The following SMARCD1 variants were observed in gnomAD, a reference collection of about 807,000 sequenced individuals.
SMARCD1 encodes the protein SWI/SNF-related matrix-associated actin-dependent regulator of chromatin subfamily D member 1.
A neutral mutation model predicts 70.8 loss-of-function variants in SMARCD1; 16 were observed. The ratio of observed to expected loss-of-function variants is 0.23; its 90% CI spans 0.15 to 0.34. The LOEUF is 0.34. Ranked by LOEUF, SMARCD1 falls within the 10% of genes least tolerant of loss-of-function variation. The pLI is 1.00. For synonymous variants in SMARCD1, 249 were observed against 246.0 expected (o/e 1.01, Z -0.11); for missense variants, 409 against 655.5 (o/e 0.62, Z 4.11).
chr12:50,094,555 G>A lies in SMARCD1; in HGVS notation c.1252G>A (p.Ala418Thr), dbSNP rs1161770206. 2.5e-6 allele frequency: 4 copies of A among 1,614,120 alleles called. No individual in the cohort carries two copies. In the South Asian group the frequency reaches 3.3e-5, roughly 13 times the overall value. Residue 418 changes from alanine to threonine, a missense_variant, in exon 10 of 13, where the codon GCT becomes ACT. Coordinates refer to ENST00000394963, the MANE Select transcript of SMARCD1 (RefSeq NM_003076.5). ...LLSTASQQEI[A>T]TLDNKIHETI... Reference sequence around the variant, plus strand: ...GTCCACTGCCAGCCAACAGGAGATTGCTACTCTAGACAACAAGGTAGGGGT... The same window carrying A: ...GTCCACTGCCAGCCAACAGGAGATTACTACTCTAGACAACAAGGTAGGGGT...
At chr12:50,094,656 C>A in intron 10 of SMARCD1, 84 bp downstream of exon 10, 1 of 1,344,100 alleles carries the variant, frequency 7.4e-7, no homozygotes, top group Non-Finnish European at 1.0e-6. Flanking sequence ...AGTGTTCATT[C>A]AAAATACGGT....
rs1192618557 is a variant in SMARCD1 at position 50,086,253 on chromosome 12, C to A, written c.270C>A (p.Gly90=). The part of the protein sequence containing the change: ...GYGGNPSVRP[G]LAQSGMDQSR... ...GGGGGAACCCTTCAGTCCGACCTGG[C>A]CTGGCCCAGTCAGGGATGGATCAGT... is the stretch of plus-strand genomic sequence containing the variant. The change falls in exon 2 of 13, where the codon GGC becomes GGA. Residue 90 remains glycine, a synonymous_variant. Transcript: ENST00000394963. 1.9e-6 allele frequency: 3 copies of A among 1,613,602 alleles called. No individual in the cohort carries two copies. The highest frequency in any genetic ancestry group is 1.7e-5 in the Admixed American group (1 of 59,978).
chr12:50,090,244 C>T lies in SMARCD1; in HGVS notation c.877C>T (p.Pro293Ser), dbSNP rs377735931. The change falls in exon 8 of 13, where the codon CCC becomes TCC. Residue 293 changes from proline to serine, a missense_variant. This residue lies in a region of SMARCD1 where 269 missense variants were observed against 498.6 expected (regional missense o/e 0.54). Coordinates refer to ENST00000394963, the MANE Select transcript of SMARCD1 (RefSeq NM_003076.5). Reference protein sequence around the residue: ...TVLLMLDYQPPQFKLDPRLAR... With the variant: ...TVLLMLDYQPSQFKLDPRLAR... ...CCTATACTTTGGTTCCCTGCAGCCT[C>T]CCCAGTTTAAATTAGACCCCCGCCT... The T allele has an allele frequency of 6.2e-6, 10 of 1,610,742 alleles. No individual in the cohort carries two copies. Among genetic ancestry groups the T allele is most frequent in the Non-Finnish European group, 8.5e-6 (10 of 1,178,540 alleles).
intron 5 of SMARCD1, among the ~76,000 whole-genome samples, chr12:50,087,978 T>A (rs1156757664): frequency 6.6e-6 from 1 of 152,018 alleles, no homozygotes. Flanking sequence ...CCCCAGAAGC[T>A]CCTCGGGGAA....
Position 50,086,759 on chromosome 12 carries a change from C to G in SMARCD1, c.412C>G (p.Arg138Gly). Residue 138 changes from arginine to glycine, a missense_variant, in exon 4 of 13, where the codon CGT becomes GGT. Coordinates refer to ENST00000394963, the MANE Select transcript of SMARCD1 (RefSeq NM_003076.5). ...MADKILPQRI[R>G]ELVPESQAYM... Reference sequence around the variant, plus strand: ...AATTAATTTTTCTGTTCCTAAGATTCGTGAACTGGTACCAGAATCCCAGGC... The same window carrying G: ...AATTAATTTTTCTGTTCCTAAGATTGGTGAACTGGTACCAGAATCCCAGGC... 6.2e-7 allele frequency: 1 copy of G among 1,614,052 alleles called. No individual in the cohort carries two copies. The highest frequency in any genetic ancestry group is 8.5e-7 in the Non-Finnish European group (1 of 1,179,974).
chr12:50,098,817 TAAG>T lies in SMARCD1; in HGVS notation c.1494+3_1494+5del, dbSNP rs758788530. ...GTGTGCCGATACTTCTACTCCAAGG[TAAG>T]TACATGGGGTGCACGGGGGAAATTG... On this transcript the variant is annotated splice_donor_5th_base_variant and intron_variant, in intron 12 of 12. Coordinates refer to ENST00000394963, the MANE Select transcript of SMARCD1 (RefSeq NM_003076.5). 6.2e-7 allele frequency: 1 copy of T among 1,612,940 alleles called. No individual in the cohort carries two copies.
chr12:50,087,621 T>C, intron 5 of SMARCD1, 136 bp downstream of exon 5: 2 of 1,036,882 alleles, frequency 1.9e-6, no homozygotes, highest in Non-Finnish European at 2.8e-6. Context: ...CACTGTTCCC[T>C]GCACTGAAAG....
At chr12:50,092,835 G>A (rs898717011) in intron 9 of SMARCD1, among the ~76,000 whole-genome samples, 1 of 151,984 alleles carries the variant, frequency 6.6e-6, no homozygotes, top group Non-Finnish European at 1.5e-5. Context: ...CCTGGAGTTC[G>A]AGTCCAGCCT....
intron 1 of SMARCD1, 87 bp downstream of exon 1, chr12:50,085,633 A>T: frequency 7.2e-6 from 3 of 415,264 alleles, no homozygotes; most frequent in Non-Finnish European, 5.8e-6. Context: ...GAGAAGTAGG[A>T]GGGACTCCCT....
chr12:50,095,900 G>C (rs150223802), intron 10 of SMARCD1, among the ~76,000 whole-genome samples: 4 of 152,294 alleles, frequency 2.6e-5, no homozygotes, highest in African/African-American at 9.6e-5. Context: ...AGGGAAAACT[G>C]GTTTATGTTT....
In SMARCD1 at chr12:50,086,677, A is replaced by T; in HGVS notation, c.408+14A>T. ...CTACCTCAAAGGGTGAGTCCAGGCT[A>T]TATGTCTTCTGGAAAGTGTGGTGAG... is the stretch of plus-strand genomic sequence containing the variant. On this transcript the variant is annotated intron_variant, in intron 3 of 12. Transcript: ENST00000394963. 6.2e-7 allele frequency: 1 copy of T among 1,613,924 alleles called. No homozygotes were observed. Among genetic ancestry groups the T allele is most frequent in the Non-Finnish European group, 8.5e-7 (1 of 1,179,778 alleles).
chr12:50,085,871 G>C, intron 1 of SMARCD1: 1 of 390,016 alleles, frequency 2.6e-6, no homozygotes, highest in Non-Finnish European at 4.5e-6. Context: ...ACAAATTGAG[G>C]TCAGCTTCTA....
chr12:50,098,523 A>G, intron 11 of SMARCD1, 191 bp from the exon 12 acceptor site: 1 of 597,486 alleles, frequency 1.7e-6, no homozygotes, highest in South Asian at 2.0e-5. Flanking sequence ...GGGGTACTCT[A>G]ATGACCTCAT....
At chr12:50,092,458 G>A (rs774574233) in intron 9 of SMARCD1, among the ~76,000 whole-genome samples, 2 of 150,138 alleles carry the variant, frequency 1.3e-5, no homozygotes, top group African/African-American at 2.4e-5. Context: ...TCTTGGTCAC[G>A]TGATCCACCC....
chr12:50,096,447 G>A (rs117958983), intron 10 of SMARCD1, among the ~76,000 whole-genome samples: 99 of 152,270 alleles, frequency 6.5e-4, no homozygotes, highest in East Asian at 1.5e-3. Flanking sequence ...AGAAATTGCC[G>A]GGAGGAGTAT....
chr12:50,090,154 C>A, intron 7 of SMARCD1, 87 bp from the exon 8 acceptor site: 4 of 1,421,356 alleles, frequency 2.8e-6, no homozygotes, highest in Non-Finnish European at 3.9e-6. Flanking sequence ...AGAAAAAGCA[C>A]TACATTATTT....
chr12:50,086,147 T>C lies in SMARCD1; in HGVS notation c.178-14T>C. On this transcript the variant is annotated splice_polypyrimidine_tract_variant and intron_variant, in intron 1 of 12. Transcript: ENST00000394963. ...GTGAAACCATGACATCTCTGGGTCC[T>C]CTCCCCTCTGTAGAGACCAGGTATG... is the stretch of plus-strand genomic sequence containing the variant. 1 of 1,488,636 alleles carries C rather than the reference T, an allele frequency of 6.7e-7. No homozygotes were observed. The highest frequency in any genetic ancestry group is 1.4e-5 in the South Asian group (1 of 70,578). 92.2% of individuals were successfully genotyped at this position (1,488,636 alleles called of 1,614,324 possible).
At chr12:50,098,840 A>G in intron 12 of SMARCD1, 25 bp downstream of exon 12, 6 of 1,609,528 alleles carry the variant, frequency 3.7e-6, no homozygotes, top group Non-Finnish European at 5.1e-6. Flanking sequence ...TGCACGGGGG[A>G]AATTGACAAA....
rs1950912723 is a variant in SMARCD1 at position 50,098,599 on chromosome 12, G to A, written c.1393-115G>A. ...GTCACATTCACAGGTACTAGGGGTT[G>A]GTTAGACTTCAACATTTTGGGGAAG... On this transcript the variant is annotated intron_variant, in intron 11 of 12. Coordinates refer to ENST00000394963, the MANE Select transcript of SMARCD1 (RefSeq NM_003076.5). The A allele has an allele frequency of 4.0e-6, 3 of 752,892 alleles. No individual in the cohort carries two copies. The South Asian group carries it at 4.9e-5, about 12-fold the overall frequency. The allele number at this position is 752,892 out of a possible 1,614,324, so 46.6% of individuals were successfully genotyped here.
Sources: allele counts gnomAD v4.1 joint callset (sites outside exome capture counted in the v4.1 genomes callset), GRCh38; gene constraint gnomAD v4.1.1; regional missense constraint gnomAD v4.1.1; transcripts MANE v1.5; gene names NCBI Gene and HGNC (gene_info 2026-07-23, HGNC 2026-07-21).